PACC1: variants seen among roughly 807,000 people sequenced by gnomAD.
The protein encoded by PACC1 is proton-activated chloride channel.
PACC1 carries 34 observed loss-of-function variants against 39.7 expected under a neutral mutation model. The observed-to-expected ratio is 0.86, with a 90% CI of 0.65 to 1.14. The LOEUF (loss-of-function observed/expected upper bound fraction) is 1.14, where lower values mean the gene tolerates loss of function less well. Among genes scored for constraint, PACC1 ranks in the 50% most tolerant of loss-of-function variants. The pLI is 0.00. For synonymous variants in PACC1, 127 were observed against 160.6 expected (o/e 0.79, Z 1.58); for missense variants, 379 against 436.4 (o/e 0.87, Z 1.17).
chr1:212,411,637 C>T (rs746093425), intron 1 of PACC1, among the ~76,000 whole-genome samples: 3 of 152,158 alleles, frequency 2.0e-5, no homozygotes, highest in Non-Finnish European at 4.4e-5. Context: ...GGAGAGGGGA[C>T]AGCTTTCCCA....
At chr1:212,388,979 G>A (rs1250749807) in intron 2 of PACC1, among the ~76,000 whole-genome samples, 1 of 152,152 alleles carries the variant, frequency 6.6e-6, no homozygotes, top group East Asian at 1.9e-4. Context: ...GAGTAGCAGT[G>A]TCACATCACC....
intron 4 of PACC1, among the ~76,000 whole-genome samples, chr1:212,384,913 A>T (rs1661041266): frequency 6.6e-6 from 1 of 152,212 alleles, no homozygotes; most frequent in African/African-American, 2.4e-5. Context: ...AGAAATTCAT[A>T]TTTTCAAAAA....
chr1:212,382,722 C>T (rs968782960), intron 4 of PACC1, among the ~76,000 whole-genome samples: 2 of 152,318 alleles, frequency 1.3e-5, no homozygotes, highest in Middle Eastern at 3.4e-3. Context: ...AATTGTTTAG[C>T]CCTAAAGCTG....
intron 1 of PACC1, among the ~76,000 whole-genome samples, chr1:212,414,513 A>T (rs1662258556): frequency 6.6e-6 from 1 of 152,078 alleles, no homozygotes; most frequent in Admixed American, 6.6e-5. Context: ...CATACGGAGA[A>T]CGCTGGGCGC....
At chr1:212,407,289 G>A (rs2102540989) in intron 2 of PACC1, among the ~76,000 whole-genome samples, 1 of 152,296 alleles carries the variant, frequency 6.6e-6, no homozygotes, top group South Asian at 2.1e-4. Flanking sequence ...CACAAGCCAA[G>A]GAATGCAGGA....
chr1:212,397,604 T>G (rs1024829616), intron 2 of PACC1, among the ~76,000 whole-genome samples: 5 of 152,218 alleles, frequency 3.3e-5, no homozygotes, highest in African/African-American at 1.2e-4. Flanking sequence ...ACATGCATGA[T>G]TTTGTACTAG....
chr1:212,378,287 G>A (rs1326712251), intron 5 of PACC1, among the ~76,000 whole-genome samples: 1 of 152,224 alleles, frequency 6.6e-6, no homozygotes, highest in Non-Finnish European at 1.5e-5. Context: ...GGAAGCTCAC[G>A]AAAGGAGCGT....
In PACC1 at chr1:212,394,519, C is replaced by A. The variant is rs567566341; in HGVS notation, c.134-7419G>T. 3.5e-3 allele frequency among the ~76,000 whole-genome samples: 533 copies of A among 152,242 alleles called. 3 individuals are homozygous for A. Among genetic ancestry groups the A allele is most frequent in the African/African-American group, 0.012 (511 of 41,558 alleles). ...AAACTGGAAGCATTCCCTTTGAAAACTGGCACAAGACAGGGATGCCCTCTC... is the reference window on the plus strand; with the variant it reads ...AAACTGGAAGCATTCCCTTTGAAAAATGGCACAAGACAGGGATGCCCTCTC... On this transcript the variant is annotated intron_variant, in intron 2 of 7. Coordinates refer to ENST00000261455, the MANE Select transcript of PACC1 (RefSeq NM_018252.3).
intron 7 of PACC1, among the ~76,000 whole-genome samples, chr1:212,372,458 T>C (rs1660497057): frequency 1.3e-5 from 2 of 152,158 alleles, no homozygotes; most frequent in Admixed American, 1.3e-4. Context: ...GTGCCTACTT[T>C]CATTATTTTT....
chr1:212,390,144 C>T (rs954628013), intron 2 of PACC1, among the ~76,000 whole-genome samples: 19 of 151,982 alleles, frequency 1.3e-4, no homozygotes, highest in Middle Eastern at 3.4e-3. Context: ...TATCTGAGGC[C>T]GGGGGTGTGG....
chr1:212,367,116 G>A (rs1279191437), intron 7 of PACC1, among the ~76,000 whole-genome samples: 1 of 152,182 alleles, frequency 6.6e-6, no homozygotes, highest in Admixed American at 6.5e-5. Context: ...CGTTAGAGGA[G>A]GTGGAGCCAG....
At chr1:212,381,313 T>G (rs548875063) in intron 4 of PACC1, among the ~76,000 whole-genome samples, 6 of 152,226 alleles carry the variant, frequency 3.9e-5, no homozygotes, top group Non-Finnish European at 8.8e-5. Context: ...TCTTGCAAAC[T>G]TTTGCACGTG....
intron 2 of PACC1, among the ~76,000 whole-genome samples, chr1:212,389,185 G>A (rs1247876719): frequency 6.6e-6 from 1 of 152,188 alleles, no homozygotes; most frequent in Non-Finnish European, 1.5e-5. Flanking sequence ...ATGGTTCAGA[G>A]TGACAGGGAC....
chr1:212,410,112 T>G, intron 2 of PACC1: 2 of 324,486 alleles, frequency 6.2e-6, no homozygotes, highest in Non-Finnish European at 6.0e-6. Context: ...TTGACCCGGA[T>G]ATTAGAGGCT....
At chr1:212,413,367 T>C (rs1021771531) in intron 1 of PACC1, among the ~76,000 whole-genome samples, 2 of 152,174 alleles carry the variant, frequency 1.3e-5, no homozygotes, top group African/African-American at 4.8e-5. Flanking sequence ...AGCCCTTCTG[T>C]GAATCAGTCT....
chr1:212,381,770 G>GAGACACACACACACACAC (rs1660902308), intron 4 of PACC1, among the ~76,000 whole-genome samples: 1 of 118,080 alleles, frequency 8.5e-6, no homozygotes, highest in Non-Finnish European at 1.7e-5. Context: ...ACAGCACAGT[G>GAGACACACACACACACAC]ACACACACAC....
At chr1:212,408,120 T>C (rs944733540) in intron 2 of PACC1, among the ~76,000 whole-genome samples, 2 of 151,052 alleles carry the variant, frequency 1.3e-5, no homozygotes, top group African/African-American at 4.9e-5. Context: ...TAGAGAGAGT[T>C]TAGGGTTGGG....
At chr1:212,409,460 G>C (rs1436056391) in intron 2 of PACC1, among the ~76,000 whole-genome samples, 1 of 151,984 alleles carries the variant, frequency 6.6e-6, no homozygotes, top group Non-Finnish European at 1.5e-5. Context: ...TGTGGTGAGA[G>C]GGAATGAGGC....
chr1:212,385,246 A>G (rs752584965), intron 4 of PACC1, 28 bp downstream of exon 4: 1 of 1,613,298 alleles, frequency 6.2e-7, no homozygotes. Flanking sequence ...GCAGCTGCCC[A>G]GACCCAGCTC....
Sources: allele counts gnomAD v4.1 joint callset (sites outside exome capture counted in the v4.1 genomes callset), GRCh38; gene constraint gnomAD v4.1.1; transcripts MANE v1.5; gene names NCBI Gene and HGNC (gene_info 2026-07-23, HGNC 2026-07-21).